The following CPVL variants were observed in gnomAD, a reference collection of about 807,000 sequenced individuals.
The protein encoded by CPVL is carboxypeptidase vitellogenic like.
Under a neutral mutation model 63.7 loss-of-function variants are expected in CPVL, and 51 were observed. That is an observed-to-expected ratio of 0.80 (90% CI 0.64 to 1.01). The LOEUF is 1.01. CPVL is among the 50% of genes least tolerant of loss of function. CPVL has a pLI of 0.00. For missense variants in CPVL, 530 were observed against 573.1 expected, an observed-to-expected ratio of 0.92 and a Z score of 0.77; for synonymous variants, 195 against 206.0, an observed-to-expected ratio of 0.95 and a Z score of 0.46.
chr7:29,098,059 G>A (rs1786625903), intron 3 of CPVL, among the ~76,000 whole-genome samples: 1 of 152,186 alleles, frequency 6.6e-6, no homozygotes, highest in African/African-American at 2.4e-5. Context: ...TCGTTGGATG[G>A]TTAGTCAGCA....
At chr7:29,047,534 G>C (rs1026663832) in intron 11 of CPVL, among the ~76,000 whole-genome samples, 7 of 152,132 alleles carry the variant, frequency 4.6e-5, no homozygotes, top group African/African-American at 1.7e-4. Flanking sequence ...CAAGAAGTCT[G>C]GGATTATGTT....
intron 1 of CPVL, chr7:29,191,817 A>C (rs1234494360): frequency 6.6e-6 from 1 of 152,200 alleles, no homozygotes; most frequent in Non-Finnish European, 1.5e-5. Context: ...TCATTGTTTC[A>C]TTTGGAGAAA....
At chr7:29,112,148 C>T (rs755056816) in intron 3 of CPVL, among the ~76,000 whole-genome samples, 6 of 152,162 alleles carry the variant, frequency 3.9e-5, no homozygotes, top group Non-Finnish European at 8.8e-5. Context: ...GCAATCCTCC[C>T]AATCTTCTAA....
At chr7:29,034,510 T>C (rs1006664873) in intron 11 of CPVL, among the ~76,000 whole-genome samples, 1 of 152,078 alleles carries the variant, frequency 6.6e-6, no homozygotes, top group African/African-American at 2.4e-5. Context: ...CCATGGTGGT[T>C]TGCTGTACAG....
intron 3 of CPVL, among the ~76,000 whole-genome samples, chr7:29,105,712 T>G (rs1440121064): frequency 6.6e-6 from 1 of 152,102 alleles, no homozygotes; most frequent in Non-Finnish European, 1.5e-5. Context: ...AGTTCCAGTG[T>G]TTACTCTGGC....
At chr7:29,040,332 C>T (rs1360137567) in intron 11 of CPVL, among the ~76,000 whole-genome samples, 1 of 152,180 alleles carries the variant, frequency 6.6e-6, no homozygotes, top group African/African-American at 2.4e-5. Flanking sequence ...TTCCCAAAAG[C>T]TCAGCTGCAG....
chr7:29,180,925 A>C (rs1181319741), intron 5 of CPVL, among the ~76,000 whole-genome samples: 1 of 152,218 alleles, frequency 6.6e-6, no homozygotes, highest in Non-Finnish European at 1.5e-5. Flanking sequence ...TCATACATAA[A>C]CAACTCTTGG....
intron 5 of CPVL, among the ~76,000 whole-genome samples, chr7:29,151,551 T>C (rs1386756320): frequency 6.6e-6 from 1 of 152,174 alleles, no homozygotes; most frequent in Non-Finnish European, 1.5e-5. Flanking sequence ...TAGTGAAACT[T>C]TGTAAGGATT....
At chr7:29,170,969 C>T (rs1284970699) in intron 5 of CPVL, among the ~76,000 whole-genome samples, 2 of 152,126 alleles carry the variant, frequency 1.3e-5, no homozygotes, top group African/African-American at 4.8e-5. Flanking sequence ...CAATTACCTC[C>T]CACGGGGTCC....
intron 11 of CPVL, among the ~76,000 whole-genome samples, chr7:29,039,772 G>C (rs1788890980): frequency 6.6e-6 from 1 of 152,174 alleles, no homozygotes; most frequent in South Asian, 2.1e-4. Flanking sequence ...CAGAGAAGGA[G>C]GCTTTGGTAT....
At chr7:29,020,863 A>G (rs1212651745) in intron 12 of CPVL, among the ~76,000 whole-genome samples, 1 of 152,232 alleles carries the variant, frequency 6.6e-6, no homozygotes, top group Non-Finnish European at 1.5e-5. Flanking sequence ...AGATCTTAAG[A>G]AACATTAAAT....
chr7:29,014,107 G>T (rs1253736754), intron 12 of CPVL, among the ~76,000 whole-genome samples: 1 of 152,208 alleles, frequency 6.6e-6, no homozygotes, highest in Non-Finnish European at 1.5e-5. Context: ...TGACTTCAGA[G>T]AAGCTCTCTG....
intron 1 of CPVL, among the ~76,000 whole-genome samples, chr7:29,133,611 C>T (rs574980507): frequency 2.0e-5 from 3 of 152,336 alleles, no homozygotes; most frequent in African/African-American, 7.2e-5. Flanking sequence ...CTCAACATGT[C>T]AAAATGGCAT....
intron 1 of CPVL, among the ~76,000 whole-genome samples, chr7:29,123,317 C>T (rs1025416466): frequency 6.6e-6 from 1 of 151,844 alleles, no homozygotes; most frequent in African/African-American, 2.4e-5. Flanking sequence ...TCATGTCTCT[C>T]AGGGTTAACT....
chr7:29,068,896 C>T (rs568087886), intron 9 of CPVL, among the ~76,000 whole-genome samples: 1 of 150,414 alleles, frequency 6.6e-6, no homozygotes, highest in South Asian at 2.1e-4. Context: ...GGGGTTTCAC[C>T]GTGGTCTCGA....
intron 12 of CPVL, among the ~76,000 whole-genome samples, chr7:29,026,503 T>A (rs1426707378): frequency 6.6e-6 from 1 of 150,810 alleles, no homozygotes; most frequent in Non-Finnish European, 1.5e-5. Flanking sequence ...CAGAACTAAA[T>A]GGAATAGAAA....
At chr7:29,187,395 G>A (rs1465322215) in intron 1 of CPVL, among the ~76,000 whole-genome samples, 1 of 151,884 alleles carries the variant, frequency 6.6e-6, no homozygotes, top group African/African-American at 2.4e-5. Flanking sequence ...GCACTTGAGT[G>A]TACTCTGTTA....
At chr7:29,185,836 A>G (rs908083419) in intron 2 of CPVL, among the ~76,000 whole-genome samples, 2 of 152,126 alleles carry the variant, frequency 1.3e-5, no homozygotes, top group Non-Finnish European at 2.9e-5. Context: ...GTGAATCTGC[A>G]TTTTAGCAAG....
chr7:29,155,854 T>C (rs1374791785), intron 5 of CPVL, among the ~76,000 whole-genome samples: 2 of 152,154 alleles, frequency 1.3e-5, no homozygotes, highest in African/African-American at 4.8e-5. Context: ...CATTTCTAAA[T>C]GCCCTCTGTC....
Sources: allele counts gnomAD v4.1 joint callset (sites outside exome capture counted in the v4.1 genomes callset), GRCh38; gene constraint gnomAD v4.1.1; transcripts MANE v1.5; gene names NCBI Gene and HGNC (gene_info 2026-07-23, HGNC 2026-07-21).